DEPP1: variants seen among roughly 807,000 people sequenced by gnomAD.
DEPP1 encodes the protein protein DEPP1.
For synonymous variants in DEPP1, 117 were observed against 113.6 expected (o/e 1.03, Z -0.19); for missense variants, 267 against 280.1 (o/e 0.95, Z 0.33).
At position 44,978,020 on chromosome 10, in the gene DEPP1, C is replaced by T. The variant is rs757249362; in HGVS notation, c.11G>A (p.Arg4Gln). The change falls in exon 2 of 2, where the codon CGG (arginine) becomes CAG (glutamine). Residue 4 changes from arginine to glutamine, a missense_variant. Coordinates refer to ENST00000298295, the MANE Select transcript of DEPP1 (RefSeq NM_007021.4). Reference sequence around the variant, plus strand: ...CAGATGGGCCACGGAGAGCAGAAGCCGGGACCTCATCACTCTGGCGAGAGG... The same window carrying T: ...CAGATGGGCCACGGAGAGCAGAAGCTGGGACCTCATCACTCTGGCGAGAGG... MRS[R>Q]LLLSVAHLPT... 2.5e-5 allele frequency: 40 copies of T among 1,608,840 alleles called. No individual in the cohort carries two copies. Among genetic ancestry groups the T allele is most frequent in the African/African-American group, 5.4e-5 (4 of 74,620 alleles).
At position 44,977,226 on chromosome 10, in the gene DEPP1, A is replaced by G; in HGVS notation, c.*166T>C. Reference sequence around the variant, plus strand: ...ATCTCCTCATGTGAAACAGGCTGTTATCATATTCAGAGGGGGTCGGTCTCA... The same window carrying G: ...ATCTCCTCATGTGAAACAGGCTGTTGTCATATTCAGAGGGGGTCGGTCTCA... On this transcript the variant is annotated 3_prime_UTR_variant, in exon 2 of 2. Coordinates refer to ENST00000298295, the MANE Select transcript of DEPP1 (RefSeq NM_007021.4). 1.2e-6 allele frequency: 1 copy of G among 805,210 alleles called. No individual in the cohort carries two copies. The highest frequency in any genetic ancestry group is 1.9e-6 in the Non-Finnish European group (1 of 514,634). 49.9% of individuals were successfully genotyped at this position (805,210 alleles called of 1,614,324 possible). A position where few individuals can be genotyped will look rare whatever the true frequency, so the allele number is the denominator to read the frequency against.
Position 44,977,750 on chromosome 10 carries a change from G to C in DEPP1, c.281C>G (p.Pro94Arg), listed in dbSNP as rs145465141. The C allele has an allele frequency of 5.6e-6, 9 of 1,601,916 alleles. No individual in the cohort carries two copies. In the African/African-American group the frequency reaches 6.7e-5, roughly 12 times the overall value. Residue 94 changes from proline (P) to arginine (R), a missense_variant, in exon 2 of 2, where the codon CCC (proline) becomes CGC (arginine). By Grantham distance (103) the Pro-to-Arg change is moderately radical. Transcript: ENST00000298295. ...CACAGTATCAGCCATGGGCAGTGTG[G>C]GCTGCTGGCCACTGAAACGTGCGGT... ...DITARFSGQQ[P>R]TLPMADTVDP...
At chr10:44,978,194 G>T in intron 1 of DEPP1, 139 bp from the exon 2 acceptor site, 1 of 699,156 alleles carries the variant, frequency 1.4e-6, no homozygotes. Context: ...CCAGACCAGA[G>T]CTCCGACTGC....
At chr10:44,978,363 A>T (rs1841544523) in intron 1 of DEPP1, 1 of 267,882 alleles carries the variant, frequency 3.7e-6, no homozygotes, top group South Asian at 7.7e-5. Flanking sequence ...TGACCATGGG[A>T]CCTTTGGCAA....
In DEPP1 at chr10:44,977,847, G is replaced by A. The variant is rs140664133; in HGVS notation, c.184C>T (p.Gln62Ter). 574 of 1,607,270 alleles carry A rather than the reference G, an allele frequency of 3.6e-4. No homozygotes were observed. The highest frequency in any genetic ancestry group is 4.5e-4 in the Non-Finnish European group (525 of 1,177,180). Residue 62 changes from glutamine (Q) to a stop codon, truncating the protein, a stop_gained, in exon 2 of 2, where the codon CAA becomes TAA. Transcript: ENST00000298295. LOFTEE classifies it low-confidence loss of function (END_TRUNC). ...GCTGGCCTGTGGGGTGGCCTGGGTTGGCCCTGGGCCGTGGCCTTGTCCAGC... is the reference window on the plus strand; with the variant it reads ...GCTGGCCTGTGGGGTGGCCTGGGTTAGCCCTGGGCCGTGGCCTTGTCCAGC... ...SVLDKATAQGQPRPPHRPAQA... is the reference protein window; with the variant it reads ...SVLDKATAQG
In DEPP1 at chr10:44,976,594, C is replaced by G. The variant is rs1841436534; in HGVS notation, c.*798G>C. The G allele has an allele frequency of 6.5e-6, 1 of 152,696 alleles. No homozygotes were observed. The highest frequency in any genetic ancestry group is 2.4e-5 in the African/African-American group (1 of 41,478). The allele number at this position is 152,696 out of a possible 1,614,324, so 9.5% of individuals were successfully genotyped here. A position where few individuals can be genotyped will look rare whatever the true frequency, so the allele number is the denominator to read the frequency against. The stretch of plus-strand genomic sequence containing the variant: ...TAGGGTCCTTCAGACTCCAGATGCC[C>G]TGACCTGGGCCTTAGGACATCTTGA... On this transcript the variant is annotated 3_prime_UTR_variant, in exon 2 of 2. Transcript: ENST00000298295.
Position 44,978,064 on chromosome 10 carries a change from A to C in DEPP1, c.-25-9T>G. 1 of 1,589,028 alleles carries C rather than the reference A, an allele frequency of 6.3e-7. No individual in the cohort carries two copies. Among genetic ancestry groups the C allele is most frequent in the South Asian group, 1.1e-5 (1 of 88,042 alleles). ...CGAGAGGAGGTGGCAACCTGTTGGG[A>C]AACAGAAGCCTGGTGGTGAGGGCCT... On this transcript the variant is annotated splice_polypyrimidine_tract_variant and intron_variant, in intron 1 of 1. Coordinates refer to ENST00000298295, the MANE Select transcript of DEPP1 (RefSeq NM_007021.4).
Position 44,977,548 on chromosome 10 carries a change from GGAATGCCCA to G in DEPP1, c.474_482del (p.Gly159_Ser161del). 1.2e-6 allele frequency: 2 copies of G among 1,613,496 alleles called. No individual in the cohort carries two copies. The highest frequency in any genetic ancestry group is 1.7e-6 in the Non-Finnish European group (2 of 1,179,958). On this transcript the variant is annotated inframe_deletion, in exon 2 of 2. Transcript: ENST00000298295. ...GCCCATCCTGCGGTGGTCTTGCCAG[GGAATGCCCA>G]GGCATCCTGGCTTCACAGAGCCTCC...
intron 1 of DEPP1, 101 bp downstream of exon 1, chr10:44,978,517 C>T (rs1394971910): frequency 6.5e-6 from 1 of 153,054 alleles, no homozygotes; most frequent in Non-Finnish European, 1.5e-5. Flanking sequence ...TGGTCTCTAA[C>T]CCATAGGGAG....
rs1457506078 is a variant in DEPP1 at position 44,977,927 on chromosome 10, G to C, written c.104C>G (p.Pro35Arg). The C allele has an allele frequency of 9.3e-6, 15 of 1,612,576 alleles. No homozygotes were observed. The highest frequency in any genetic ancestry group is 1.7e-5 in the Admixed American group (1 of 59,882). ...GGPGQEPPPS[P>R]SLDDYVRSIS... ...AGACCTCACGTAGTCATCCAGGCTA[G>C]GAGAGGGTGGGGGCTCCTGTCCAGG... Residue 35 changes from proline (P) to arginine (R), a missense_variant, in exon 2 of 2, where the codon CCT (proline) becomes CGT (arginine). Coordinates refer to ENST00000298295, the MANE Select transcript of DEPP1 (RefSeq NM_007021.4).
rs1841429733 is a variant in DEPP1 at position 44,976,434 on chromosome 10, C to T, written c.*958G>A. On this transcript the variant is annotated 3_prime_UTR_variant, in exon 2 of 2. Coordinates refer to ENST00000298295, the MANE Select transcript of DEPP1 (RefSeq NM_007021.4). Reference sequence around the variant, plus strand: ...AGAGCAAGGAGGTGGCAGAGACCTGCCCAGGTGAGCTTGGCTGTTGCCCCC... The same window carrying T: ...AGAGCAAGGAGGTGGCAGAGACCTGTCCAGGTGAGCTTGGCTGTTGCCCCC... 6.6e-6 allele frequency: 1 copy of T among 152,346 alleles called. No homozygotes were observed. The highest frequency in any genetic ancestry group is 2.1e-4 in the South Asian group (1 of 4,834). 9.4% of individuals were successfully genotyped at this position (152,346 alleles called of 1,614,324 possible).
In DEPP1 at chr10:44,976,282, C is replaced by T. The variant is rs529633254; in HGVS notation, c.*1110G>A. On this transcript the variant is annotated 3_prime_UTR_variant, in exon 2 of 2. Coordinates refer to ENST00000298295, the MANE Select transcript of DEPP1 (RefSeq NM_007021.4). ...GTAATTGCTTGTCTGAAACTTTTTC[C>T]TTTTAATATGGTTTACATTCTATCT... 1.3e-5 allele frequency: 2 copies of T among 152,338 alleles called. No individual in the cohort carries two copies. The highest frequency in any genetic ancestry group is 4.1e-4 in the South Asian group (2 of 4,824). The allele number at this position is 152,338 out of a possible 1,614,324, so 9.4% of individuals were successfully genotyped here. A position where few individuals can be genotyped will look rare whatever the true frequency, so the allele number is the denominator to read the frequency against.
rs1841476729 is a variant in DEPP1, at chr10:44,977,318, G to T, written c.*74C>A. On this transcript the variant is annotated 3_prime_UTR_variant, in exon 2 of 2. Coordinates refer to ENST00000298295, the MANE Select transcript of DEPP1 (RefSeq NM_007021.4). Reference sequence around the variant, plus strand: ...CCCTTTCAGAGACCTGCCAGGGGCAGTGACCACCATGGAGGAGACGAGAGG... The same window carrying T: ...CCCTTTCAGAGACCTGCCAGGGGCATTGACCACCATGGAGGAGACGAGAGG... The T allele has an allele frequency of 6.7e-7, 1 of 1,496,860 alleles. No individual in the cohort carries two copies. Among genetic ancestry groups the T allele is most frequent in the East Asian group, 2.3e-5 (1 of 43,618 alleles). The allele number at this position is 1,496,860 out of a possible 1,614,324, so 92.7% of individuals were successfully genotyped here. A position where few individuals can be genotyped will look rare whatever the true frequency, so the allele number is the denominator to read the frequency against.
Position 44,977,913 on chromosome 10 carries a change from A to G in DEPP1, c.118T>C (p.Tyr40His). The change falls in exon 2 of 2, where the codon TAC (tyrosine) becomes CAC (histidine). Residue 40 changes from tyrosine (Y) to histidine (H), a missense_variant. Tyr to His is a moderately conservative substitution (Grantham distance 83). Transcript: ENST00000298295. Reference protein sequence around the residue: ...EPPPSPSLDDYVRSISRLAQP... With the variant: ...EPPPSPSLDDHVRSISRLAQP... The stretch of plus-strand genomic sequence containing the variant: ...GCCAGTCGAGATATAGACCTCACGT[A>G]GTCATCCAGGCTAGGAGAGGGTGGG... 6.2e-7 allele frequency: 1 copy of G among 1,612,756 alleles called. No homozygotes were observed. Among genetic ancestry groups the G allele is most frequent in the African/African-American group, 1.3e-5 (1 of 75,066 alleles).
rs1210939111 is a variant in DEPP1, at chr10:44,978,173, G to A, written c.-25-118C>T. 3.2e-6 allele frequency: 3 copies of A among 927,636 alleles called. No individual in the cohort carries two copies. In the African/African-American group the frequency reaches 5.0e-5, roughly 16 times the overall value. 57.5% of individuals were successfully genotyped at this position (927,636 alleles called of 1,614,324 possible). A position where few individuals can be genotyped will look rare whatever the true frequency, so the allele number is the denominator to read the frequency against. On this transcript the variant is annotated intron_variant, in intron 1 of 1. Coordinates refer to ENST00000298295, the MANE Select transcript of DEPP1 (RefSeq NM_007021.4). ...TCCGGTGCCCTGAGAGCAATTTGAAGTCTACAGAGCCCAGACCAGAGCTCC... is the reference window on the plus strand; with the variant it reads ...TCCGGTGCCCTGAGAGCAATTTGAAATCTACAGAGCCCAGACCAGAGCTCC...
chr10:44,977,178 T>G lies in DEPP1; in HGVS notation c.*214A>C. ...GCTCAAGGTGATCAGCCAGCAAGGGTCAGAGCGAACGGGATTGGTAACATC... is the reference window on the plus strand; with the variant it reads ...GCTCAAGGTGATCAGCCAGCAAGGGGCAGAGCGAACGGGATTGGTAACATC... On this transcript the variant is annotated 3_prime_UTR_variant, in exon 2 of 2. Transcript: ENST00000298295. 1.9e-6 allele frequency: 1 copy of G among 538,214 alleles called. No homozygotes were observed. Among genetic ancestry groups the G allele is most frequent in the Non-Finnish European group, 3.1e-6 (1 of 317,936 alleles). 33.3% of individuals were successfully genotyped at this position (538,214 alleles called of 1,614,324 possible). A position where few individuals can be genotyped will look rare whatever the true frequency, so the allele number is the denominator to read the frequency against.
In DEPP1 at chr10:44,977,256, G is replaced by A; in HGVS notation, c.*136C>T. On this transcript the variant is annotated 3_prime_UTR_variant, in exon 2 of 2. Transcript: ENST00000298295. ...ATTCAGAGGGGGTCGGTCTCACTGT[G>A]AACTGCCCAAGCAGGGGCCTCTGCA... 1.7e-6 allele frequency: 2 copies of A among 1,185,208 alleles called. No individual in the cohort carries two copies. The highest frequency in any genetic ancestry group is 2.4e-6 in the Non-Finnish European group (2 of 844,084). 73.4% of individuals were successfully genotyped at this position (1,185,208 alleles called of 1,614,324 possible). A position where few individuals can be genotyped will look rare whatever the true frequency, so the allele number is the denominator to read the frequency against.
At position 44,977,497 on chromosome 10, in the gene DEPP1, C is replaced by A. The variant is rs757466995; in HGVS notation, c.534G>T (p.Trp178Cys). The A allele has an allele frequency of 4.3e-6, 7 of 1,613,248 alleles. No homozygotes were observed. The highest frequency in any genetic ancestry group is 5.9e-6 in the Non-Finnish European group (7 of 1,179,904). ...DGQQSSDLRSWTFGQSAQAMA... is the reference protein window; with the variant it reads ...DGQQSSDLRSCTFGQSAQAMA... ...TGGCTTGGGCAGACTGCCCAAAAGT[C>A]CAGCTTCTTAGGTCAGAGCTCTGCT... Residue 178 changes from tryptophan (W) to cysteine (C), a missense_variant, in exon 2 of 2, where the codon TGG becomes TGT. Coordinates refer to ENST00000298295, the MANE Select transcript of DEPP1 (RefSeq NM_007021.4).
At chr10:44,978,124 C>T in intron 1 of DEPP1, 69 bp from the exon 2 acceptor site, 2 of 1,444,634 alleles carry the variant, frequency 1.4e-6, no homozygotes, top group Non-Finnish European at 1.9e-6. Flanking sequence ...CGTCACCACA[C>T]TCCTCTGGGG....
Sources: allele counts gnomAD v4.1 joint callset, GRCh38; gene constraint gnomAD v4.1.1; transcripts MANE v1.5; gene names NCBI Gene and HGNC (gene_info 2026-07-23, HGNC 2026-07-21).